Variants in FIGNL2 observed in about 807,000 individuals in gnomAD.
FIGNL2 encodes fidgetin like 2.
For missense variants in FIGNL2, 1,060 were observed against 950.2 expected (o/e 1.12, Z -1.52); for synonymous variants, 565 against 484.0 (o/e 1.17, Z -2.20).
intron 1 of FIGNL2, among the ~76,000 whole-genome samples, chr12:51,826,488 A>T (rs1019247563): frequency 7.9e-5 from 12 of 151,506 alleles, no homozygotes; most frequent in African/African-American, 2.4e-4. Context: ...AAAAAAAAAA[A>T]ATTAGCCGGG....
Position 51,820,345 on chromosome 12 carries a change from T to A in FIGNL2, c.*107A>T. 1 of 1,408,748 alleles carries A rather than the reference T, an allele frequency of 7.1e-7. No homozygotes were observed. The highest frequency in any genetic ancestry group is 2.7e-5 in the East Asian group (1 of 37,242). 87.3% of individuals were successfully genotyped at this position (1,408,748 alleles called of 1,614,324 possible). A position where few individuals can be genotyped will look rare whatever the true frequency, so the allele number is the denominator to read the frequency against. ...GACCCCTCCTGTCCCCGATCCCACA[T>A]TCACCACTCCAGCCCCTGCCAGCCG... On this transcript the variant is annotated 3_prime_UTR_variant, in exon 2 of 2. Coordinates refer to ENST00000618634, the MANE Select transcript of FIGNL2 (RefSeq NM_001384995.1).
Position 51,818,057 on chromosome 12 carries a change from G to A in FIGNL2, c.*2395C>T, listed in dbSNP as rs1177465411. ...GGTAGAAATGGTTACAGCGGGAGGAGAGGATCCCAGCCCCAGTCTGGGTAG... is the reference window on the plus strand; with the variant it reads ...GGTAGAAATGGTTACAGCGGGAGGAAAGGATCCCAGCCCCAGTCTGGGTAG... On this transcript the variant is annotated 3_prime_UTR_variant, in exon 2 of 2. Transcript: ENST00000618634. The A allele has an allele frequency of 6.6e-6, 1 of 152,358 alleles. No homozygotes were observed. The highest frequency in any genetic ancestry group is 1.5e-5 in the Non-Finnish European group (1 of 68,100). The allele number at this position is 152,358 out of a possible 1,614,324, so 9.4% of individuals were successfully genotyped here.
At chr12:51,825,264 A>C (rs1227315358) in intron 1 of FIGNL2, among the ~76,000 whole-genome samples, 1 of 152,198 alleles carries the variant, frequency 6.6e-6, no homozygotes, top group Non-Finnish European at 1.5e-5. Flanking sequence ...GCACAGACAC[A>C]GTAAATGAAG....
chr12:51,821,040 G>C lies in FIGNL2; in HGVS notation c.1374C>G (p.Gly458=), dbSNP rs201243491. 19 of 1,190,028 alleles carry C rather than the reference G, an allele frequency of 1.6e-5. No individual in the cohort carries two copies. Among genetic ancestry groups the C allele is most frequent in the Non-Finnish European group, 1.8e-5 (17 of 963,160 alleles). The allele number at this position is 1,190,028 out of a possible 1,614,324, so 73.7% of individuals were successfully genotyped here. ...QLGATLLRLR[G]ATLAAPGAAE... The stretch of plus-strand genomic sequence containing the variant: ...CGGCGCCGGGCGCAGCCAGGGTCGC[G>C]CCGCGCAGGCGCAACAGCGTGGCGC... Residue 458 remains glycine, a synonymous_variant, in exon 2 of 2, where the codon GGC becomes GGG. Coordinates refer to ENST00000618634, the MANE Select transcript of FIGNL2 (RefSeq NM_001384995.1).
chr12:51,846,999 C>T (rs1458082628), intron 1 of FIGNL2: 1 of 984,634 alleles, frequency 1.0e-6, no homozygotes, highest in Non-Finnish European at 1.2e-6. Context: ...CGCCCCTTTC[C>T]TCGCCCACCC....
Position 51,821,233 on chromosome 12 carries a change from A to G in FIGNL2, c.1181T>C (p.Val394Ala). The G allele has an allele frequency of 6.6e-7, 1 of 1,524,210 alleles. No homozygotes were observed. 94.4% of individuals were successfully genotyped at this position (1,524,210 alleles called of 1,614,324 possible). Reference protein sequence around the residue: ...DCGPPVQWADVAGQGALKAAL... With the variant: ...DCGPPVQWADAAGQGALKAAL... ...CGCCTTGAGCGCGCCCTGGCCCGCC[A>G]CATCCGCCCACTGCACCGGGGGCCC... Residue 394 changes from valine to alanine, a missense_variant, in exon 2 of 2, where the codon GTG becomes GCG. Transcript: ENST00000618634.
In FIGNL2 at chr12:51,821,142, C is replaced by A; in HGVS notation, c.1272G>T (p.Pro424=). 1.4e-6 allele frequency: 2 copies of A among 1,461,084 alleles called. No homozygotes were observed. The highest frequency in any genetic ancestry group is 1.3e-5 in the South Asian group (1 of 74,714). The allele number at this position is 1,461,084 out of a possible 1,614,324, so 90.5% of individuals were successfully genotyped here. A position where few individuals can be genotyped will look rare whatever the true frequency, so the allele number is the denominator to read the frequency against. Residue 424 remains proline, a synonymous_variant, in exon 2 of 2, where the codon CCG becomes CCT. Transcript: ENST00000618634. ...GCCCAAAGAGCAGGACGGTCCGCGG[C>A]GGGCGCAGGCTGCCCGGGTAGGCGG... ...RPPAYPGSLR[P]PRTVLLFGPR... is the part of the protein sequence containing the mutation.
At position 51,820,909 on chromosome 12, in the gene FIGNL2, T is replaced by C; in HGVS notation, c.1505A>G (p.Asp502Gly). ...ELEALLPARD[D>G]GAAAGGALQV... is the part of the protein sequence containing the mutation. ...CAGCGCGCCCCCTGCCGCCGCGCCG[T>C]CGTCCCGGGCGGGGAGCAGCGCCTC... The change falls in exon 2 of 2, where the codon GAC becomes GGC. Residue 502 changes from aspartate to glycine, a missense_variant. Transcript: ENST00000618634. 1.5e-6 allele frequency: 2 copies of C among 1,333,230 alleles called. No homozygotes were observed. Among genetic ancestry groups the C allele is most frequent in the Non-Finnish European group, 1.9e-6 (2 of 1,050,006 alleles). 82.6% of individuals were successfully genotyped at this position (1,333,230 alleles called of 1,614,324 possible).
At chr12:51,834,109 T>A (rs303792) in intron 1 of FIGNL2, among the ~76,000 whole-genome samples, 46,153 of 133,636 alleles carry the variant, frequency 0.35, 10,487 homozygotes, top group Non-Finnish European at 0.43. Flanking sequence ...GGATGGATGG[T>A]TGGATGGATG....
chr12:51,829,179 G>A (rs549360941), intron 1 of FIGNL2, among the ~76,000 whole-genome samples: 26 of 152,374 alleles, frequency 1.7e-4, no homozygotes, highest in African/African-American at 4.8e-4. Flanking sequence ...AAAGAGGCTG[G>A]AAGGGAGAAT....
chr12:51,838,102 G>A (rs1939607914), intron 1 of FIGNL2: 1 of 152,328 alleles, frequency 6.6e-6, no homozygotes, highest in African/African-American at 2.4e-5. Flanking sequence ...GAGTCTTTGG[G>A]GCTGGGAATT....
chr12:51,830,965 T>G (rs1015863915), intron 1 of FIGNL2, among the ~76,000 whole-genome samples: 5 of 151,952 alleles, frequency 3.3e-5, no homozygotes, highest in African/African-American at 1.2e-4. Flanking sequence ...ATGTTTGTGT[T>G]TGTTTGTTTG....
At chr12:51,847,007 C>T (rs1939765610) in intron 1 of FIGNL2, 2 of 984,798 alleles carry the variant, frequency 2.0e-6, no homozygotes, top group African/African-American at 1.7e-5. Context: ...TCCTCGCCCA[C>T]CCCAGGAAGT....
chr12:51,840,053 G>T (rs570818181), intron 1 of FIGNL2, among the ~76,000 whole-genome samples: 1 of 152,332 alleles, frequency 6.6e-6, no homozygotes, highest in African/African-American at 2.4e-5. Flanking sequence ...TTGACTCTGC[G>T]CTTTGCCCTG....
In FIGNL2 at chr12:51,820,394, C is replaced by T; in HGVS notation, c.*58G>A. On this transcript the variant is annotated 3_prime_UTR_variant, in exon 2 of 2. Transcript: ENST00000618634. ...CGGGTTTAGTCAGTGACATCCCTCC[C>T]ACGCGGAGGCGGCGGGGACGGAGGG... 1 of 1,540,560 alleles carries T rather than the reference C, an allele frequency of 6.5e-7. No individual in the cohort carries two copies. Among genetic ancestry groups the T allele is most frequent in the Non-Finnish European group, 8.7e-7 (1 of 1,149,980 alleles).
Position 51,821,424 on chromosome 12 carries a change from G to T in FIGNL2, c.990C>A (p.Leu330=). The part of the protein sequence containing the change: ...ASGKYGGGVP[L]KVLGSPVYGP... Reference sequence around the variant, plus strand: ...CGTAGACGGGGGAGCCCAGGACCTTGAGGGGGACGCCGCCACCGTACTTGC... The same window carrying T: ...CGTAGACGGGGGAGCCCAGGACCTTTAGGGGGACGCCGCCACCGTACTTGC... Residue 330 remains leucine (L), a synonymous_variant, in exon 2 of 2, where the codon CTC becomes CTA. Coordinates refer to ENST00000618634, the MANE Select transcript of FIGNL2 (RefSeq NM_001384995.1). The T allele has an allele frequency of 6.5e-7, 1 of 1,539,016 alleles. No individual in the cohort carries two copies.
intron 1 of FIGNL2, among the ~76,000 whole-genome samples, chr12:51,828,638 T>G (rs1439913668): frequency 6.6e-6 from 1 of 152,150 alleles, no homozygotes; most frequent in Non-Finnish European, 1.5e-5. Context: ...CCTGCTGCCC[T>G]CGGGTCCTGT....
Position 51,820,715 on chromosome 12 carries a change from G to A in FIGNL2, c.1699C>T (p.Leu567=), listed in dbSNP as rs760118288. 7 of 1,480,274 alleles carry A rather than the reference G, an allele frequency of 4.7e-6. No homozygotes were observed. In the South Asian group the frequency reaches 6.4e-5, roughly 14 times the overall value. 91.7% of individuals were successfully genotyped at this position (1,480,274 alleles called of 1,614,324 possible). The change falls in exon 2 of 2, where the codon CTG becomes TTG. Residue 567 remains leucine, a synonymous_variant. Coordinates refer to ENST00000618634, the MANE Select transcript of FIGNL2 (RefSeq NM_001384995.1). ...LPDSPARGQI[L]QRALAQQGCA... ...CCCTGCTGGGCCAGCGCCCGCTGCA[G>A]GATCTGCCCGCGGGCCGGGCTGTCG...
intron 1 of FIGNL2, among the ~76,000 whole-genome samples, chr12:51,834,736 G>A (rs1939552750): frequency 6.6e-6 from 1 of 152,256 alleles, no homozygotes; most frequent in African/African-American, 2.4e-5. Flanking sequence ...TCCGCGGTCA[G>A]GGCCACAGCC....
Sources: allele counts gnomAD v4.1 joint callset (sites outside exome capture counted in the v4.1 genomes callset), GRCh38; gene constraint gnomAD v4.1.1; transcripts MANE v1.5; gene names NCBI Gene and HGNC (gene_info 2026-07-23, HGNC 2026-07-21).